Variants in RS1 observed in about 807,000 individuals in gnomAD.
The protein encoded by RS1 is retinoschisin.
Under a neutral mutation model 20.8 loss-of-function variants are expected in RS1, and 2 were observed. That is an observed-to-expected ratio of 0.10 (90% CI 0.04 to 0.30). RS1 has a LOEUF of 0.30. RS1 is among the 10% of genes least tolerant of loss of function. RS1 has a pLI of 1.00. For missense variants in RS1, 151 were observed against 189.8 expected, an observed-to-expected ratio of 0.80 and a Z score of 1.20; for synonymous variants, 70 against 75.8, an observed-to-expected ratio of 0.92 and a Z score of 0.40.
intron 3 of RS1, chrX:18,650,320 C>T (rs904595777): frequency 1.2e-6 from 1 of 865,942 alleles, no homozygotes; most frequent in African/African-American, 1.9e-5. Context: ...GACGCTCTCA[C>T]TGTCACCTTG....
chrX:18,662,505 A>G (rs1928330153), intron 1 of RS1, among the ~76,000 whole-genome samples: 2 of 110,582 alleles, frequency 1.8e-5, no homozygotes, highest in African/African-American at 6.6e-5. Context: ...TCTGTCTCCA[A>G]GTGTTTTCAT....
At chrX:18,669,348 G>T (rs938347420) in intron 1 of RS1, among the ~76,000 whole-genome samples, 7 of 108,605 alleles carry the variant, frequency 6.4e-5, no homozygotes, top group African/African-American at 2.3e-4. Flanking sequence ...AAAATGATCC[G>T]GGCGTGGTGG....
chrX:18,644,698 C>T, intron 4 of RS1, 73 bp from the exon 5 acceptor site: 1 of 1,057,109 alleles, frequency 9.5e-7, no homozygotes, highest in East Asian at 3.0e-5. Flanking sequence ...GGTGCTGGCT[C>T]TCGAGGGGAT....
chrX:18,661,777 G>A (rs758652106), intron 1 of RS1, among the ~76,000 whole-genome samples: 1 of 112,086 alleles, frequency 8.9e-6, no homozygotes, highest in African/African-American at 3.2e-5. Context: ...TCTTCCGCCG[G>A]CGCACTCCTC....
intron 3 of RS1, among the ~76,000 whole-genome samples, chrX:18,648,856 C>A (rs1479749430): frequency 9.1e-6 from 1 of 109,855 alleles, no homozygotes; most frequent in African/African-American, 3.3e-5. Context: ...TTGGGAGGAT[C>A]ACTTGAGCCC....
Position 18,657,511 on chromosome X carries a change from C to A in RS1, c.78+129G>T. ...GTGTTGGGATTACAGGCATGAGCCACCATGCCCAGCCAAAATATATTTCAA... is the reference window on the plus strand; with the variant it reads ...GTGTTGGGATTACAGGCATGAGCCAACATGCCCAGCCAAAATATATTTCAA... On this transcript the variant is annotated intron_variant, in intron 2 of 5. Coordinates refer to ENST00000379984, the MANE Select transcript of RS1 (RefSeq NM_000330.4). 5.5e-6 allele frequency: 3 copies of A among 544,461 alleles called. No homozygotes were observed. The East Asian group carries it at 1.1e-4, about 20-fold the overall frequency. The allele number at this position is 544,461 out of a possible 1,213,427, so 44.9% of individuals were successfully genotyped here.
intron 1 of RS1, among the ~76,000 whole-genome samples, chrX:18,663,972 G>C (rs779944903): frequency 7.2e-5 from 8 of 111,876 alleles, no homozygotes; most frequent in African/African-American, 2.6e-4. Flanking sequence ...GTGCAAGGTG[G>C]TCTAACCTCT....
intron 3 of RS1, among the ~76,000 whole-genome samples, chrX:18,655,986 C>CTTTTTTTTTTT (rs56213978): frequency 1.4e-4 from 7 of 50,826 alleles, no homozygotes; most frequent in East Asian, 4.6e-4. Context: ...TTTTCTTTTC[C>CTTTTTTTTTTT]TTTTTTTTTT....
chrX:18,668,877 T>C (rs1471230567), intron 1 of RS1, among the ~76,000 whole-genome samples: 1 of 111,966 alleles, frequency 8.9e-6, no homozygotes, highest in East Asian at 2.8e-4. Flanking sequence ...GTTTGGGTGA[T>C]GAAAATGTTC....
At position 18,644,535 on chromosome X, in the gene RS1, CT is replaced by C. The variant is rs61752155; in HGVS notation, c.416del (p.Gln139ArgfsTer10). 4 of 1,209,739 alleles carry C rather than the reference CT, an allele frequency of 3.3e-6. No individual in the cohort carries two copies. The highest frequency in any genetic ancestry group is 2.2e-6 in the Non-Finnish European group (2 of 894,907). ...TCCACTCATCGATGTCACAGCGCCC[CT>C]GGGTGAGGATCCCTGAAATCACTTT... ...EIKVISGILT[Q>X]GRCDIDEWMT... is the part of the protein sequence containing the mutation. On this transcript the variant is annotated frameshift_variant, in exon 5 of 6. Transcript: ENST00000379984. LOFTEE classifies it high-confidence loss of function.
intron 1 of RS1, among the ~76,000 whole-genome samples, chrX:18,667,425 A>G (rs1416733996): frequency 3.6e-5 from 4 of 109,975 alleles, no homozygotes; most frequent in Non-Finnish European, 5.7e-5. Flanking sequence ...CGTGCCTGTC[A>G]TCCCAGCTAC....
rs143682861 is a variant in RS1 at position 18,647,197 on chromosome X, C to A, written c.320G>T (p.Gly107Val). ...ATCCCCGGGCCCTGCTTACCCAAAG[C>A]CTTGACTGTTGAGCCGGGCCTTGTT... The part of the protein sequence containing the change: ...TANKARLNSQ[G>V]FGCAWLSKFQ... Residue 107 changes from glycine to valine, a missense_variant, in exon 4 of 6, where the codon GGC becomes GTC. Coordinates refer to ENST00000379984, the MANE Select transcript of RS1 (RefSeq NM_000330.4). 2.5e-6 allele frequency: 3 copies of A among 1,211,180 alleles called. No homozygotes were observed. Among genetic ancestry groups the A allele is most frequent in the Non-Finnish European group, 3.4e-6 (3 of 895,425 alleles).
intron 5 of RS1, among the ~76,000 whole-genome samples, chrX:18,643,900 C>G (rs1346429450): frequency 9.0e-6 from 1 of 110,874 alleles, no homozygotes; most frequent in Admixed American, 9.6e-5. Flanking sequence ...CTGTCTCAAT[C>G]CACAAAGATT....
At chrX:18,654,149 C>CTTTT (rs1186729210) in intron 3 of RS1, among the ~76,000 whole-genome samples, 1 of 92,578 alleles carries the variant, frequency 1.1e-5, no homozygotes. Context: ...TTCTCTCTCT[C>CTTTT]TTTTTTTTTT....
At chrX:18,659,053 A>G (rs1460272972) in intron 1 of RS1, among the ~76,000 whole-genome samples, 1 of 112,259 alleles carries the variant, frequency 8.9e-6, no homozygotes, top group East Asian at 2.8e-4. Flanking sequence ...TTATAGAAGC[A>G]TGAATAAAGA....
At chrX:18,656,245 G>A (rs754439471) in intron 3 of RS1, among the ~76,000 whole-genome samples, 11 of 111,671 alleles carry the variant, frequency 9.9e-5, no homozygotes, top group African/African-American at 3.6e-4. Context: ...ACCCGCCTCA[G>A]TCTCCCAAAG....
chrX:18,666,484 G>A (rs186674178), intron 1 of RS1, among the ~76,000 whole-genome samples: 1,225 of 111,607 alleles, frequency 0.011, 18 homozygotes, highest in African/African-American at 0.038. Context: ...AGGAGATGAC[G>A]AGGTTGGGGG....
At chrX:18,645,465 G>T (rs967672338) in intron 4 of RS1, among the ~76,000 whole-genome samples, 1 of 107,675 alleles carries the variant, frequency 9.3e-6, no homozygotes, top group Admixed American at 1.0e-4. Flanking sequence ...CAGACCCCAC[G>T]TCTCTGAGTT....
At chrX:18,642,379 T>G (rs753056110) in intron 5 of RS1, among the ~76,000 whole-genome samples, 94 of 111,830 alleles carry the variant, frequency 8.4e-4, no homozygotes, top group Non-Finnish European at 1.6e-3. Flanking sequence ...CACTAGCCAA[T>G]ATGTCTGTTT....
Sources: gnomAD v4.1 joint callset for allele counts (sites outside exome capture counted in the v4.1 genomes callset) on GRCh38, gnomAD v4.1.1 for gene constraint, MANE v1.5 for transcripts, NCBI Gene and HGNC (gene_info 2026-07-23, HGNC 2026-07-21) for gene names.